Variants in NDUFS1 observed in about 807,000 individuals in gnomAD.
NDUFS1 encodes the protein NADH-ubiquinone oxidoreductase 75 kDa subunit, mitochondrial.
A neutral mutation model predicts 84.4 loss-of-function variants in NDUFS1; 61 were observed. The ratio of observed to expected loss-of-function variants is 0.72; its 90% CI spans 0.59 to 0.89. The LOEUF (loss-of-function observed/expected upper bound fraction) is 0.89, where lower values mean the gene tolerates loss of function less well. Ranked by LOEUF, NDUFS1 falls within the 40% of genes least tolerant of loss-of-function variation. NDUFS1 has a pLI of 0.00. For missense variants in NDUFS1, 891 were observed against 890.0 expected (o/e 1.00, Z -0.01); for synonymous variants, 275 against 290.0 (o/e 0.95, Z 0.53).
At chr2:206,157,036 C>T (rs1325543329) in intron 1 of NDUFS1, among the ~76,000 whole-genome samples, 9 of 152,202 alleles carry the variant, frequency 5.9e-5, no homozygotes, top group African/African-American at 1.9e-4. Flanking sequence ...TGACTCACTG[C>T]AACCTCCGCC....
chr2:206,143,862 CA>C (rs2105969680), intron 10 of NDUFS1, among the ~76,000 whole-genome samples, 155 bp downstream of exon 10: 1 of 152,256 alleles, frequency 6.6e-6, no homozygotes, highest in South Asian at 2.1e-4. Context: ...TAATATCTAG[CA>C]TATGTCCTCA....
chr2:206,140,265 T>A (rs955744399), intron 12 of NDUFS1, among the ~76,000 whole-genome samples: 1 of 151,968 alleles, frequency 6.6e-6, no homozygotes, highest in South Asian at 2.1e-4. Context: ...GGGAGCATCA[T>A]TTGAGCCCAG....
chr2:206,124,182 G>C lies in NDUFS1; in HGVS notation c.*3C>G, dbSNP rs1343258261. The C allele has an allele frequency of 1.3e-6, 2 of 1,594,502 alleles. No individual in the cohort carries two copies. Among genetic ancestry groups the C allele is most frequent in the East Asian group, 2.2e-5 (1 of 44,762 alleles). On this transcript the variant is annotated 3_prime_UTR_variant, in exon 19 of 19. Coordinates refer to ENST00000233190, the MANE Select transcript of NDUFS1 (RefSeq NM_005006.7). ...CGGCAAAACTGGGATCCTAGTAGAA[G>C]CTTCAGCATATGGATGGTTCCTCTA...
At chr2:206,127,738 G>A (rs1432864487) in intron 16 of NDUFS1, 59 bp downstream of exon 16, 5 of 1,558,662 alleles carry the variant, frequency 3.2e-6, no homozygotes, top group Non-Finnish European at 4.4e-6. Context: ...CATTCTAACA[G>A]GCTAAAATAT....
intron 9 of NDUFS1, among the ~76,000 whole-genome samples, chr2:206,144,561 C>A (rs947674451): frequency 2.0e-5 from 3 of 152,200 alleles, no homozygotes; most frequent in African/African-American, 7.2e-5. Flanking sequence ...CCCACCTCGG[C>A]CTTCCAAAGT....
At chr2:206,132,394 G>A (rs558444790) in intron 14 of NDUFS1, among the ~76,000 whole-genome samples, 1 of 152,170 alleles carries the variant, frequency 6.6e-6, no homozygotes, top group Admixed American at 6.6e-5. Flanking sequence ...GATCAACCTG[G>A]GCAACATAGT....
At position 206,135,191 on chromosome 2, in the gene NDUFS1, G is replaced by T. The variant is rs184953218; in HGVS notation, c.1393-2086C>A. On this transcript the variant is annotated intron_variant, in intron 13 of 18. Transcript: ENST00000233190. The stretch of plus-strand genomic sequence containing the variant: ...ACGCCACCATGCCAAGCAAATTGGG[G>T]TTTTTTTGTATTTTTTAGTAGAGAT... 9.3e-3 allele frequency among the ~76,000 whole-genome samples: 1,410 copies of T among 151,762 alleles called. 9 individuals carry two copies. The highest frequency in any genetic ancestry group is 0.024 in the Middle Eastern group (7 of 294).
At position 206,126,766 on chromosome 2, in the gene NDUFS1, G is replaced by T; in HGVS notation, c.1963C>A (p.Arg655=). 2.5e-6 allele frequency: 4 copies of T among 1,614,052 alleles called. No individual in the cohort carries two copies. The South Asian group carries it at 4.4e-5, about 18-fold the overall frequency. The change falls in exon 17 of 19, where the codon CGA becomes AGA. Residue 655 remains arginine, a synonymous_variant. Coordinates refer to ENST00000233190, the MANE Select transcript of NDUFS1 (RefSeq NM_005006.7). ...TTAGCCCCTTCAATATCATCATATCGAACAAGATTAGGAGAGACTTCTTCC... is the reference window on the plus strand; with the variant it reads ...TTAGCCCCTTCAATATCATCATATCTAACAAGATTAGGAGAGACTTCTTCC... ...RLEEVSPNLV[R]YDDIEGANYF... is the part of the protein sequence containing the mutation.
intron 13 of NDUFS1, among the ~76,000 whole-genome samples, chr2:206,136,224 T>G (rs574411441): frequency 1.2e-4 from 18 of 151,582 alleles, no homozygotes; most frequent in South Asian, 4.2e-4. Flanking sequence ...TTTGTATTTT[T>G]TTTTTTTTAA....
intron 8 of NDUFS1, 53 bp downstream of exon 8, chr2:206,146,850 G>T: frequency 2.0e-6 from 3 of 1,506,912 alleles, no homozygotes; most frequent in Admixed American, 1.8e-5. Context: ...ATATTTTTTT[G>T]AATAGTAATG....
In NDUFS1 at chr2:206,150,101, C is replaced by CCT. The variant is rs201233029; in HGVS notation, c.154-177_154-176insAG. Among the ~76,000 whole-genome samples, 4,292 of 151,814 alleles carry CCT rather than the reference C, an allele frequency of 0.028. 209 individuals are homozygous for CCT. The highest frequency in any genetic ancestry group is 0.099 in the African/African-American group (4,076 of 41,310). Reference sequence around the variant, plus strand: ...CCTTTCTTTGCCTTTGATTCTAACCCGTCTCCTCTGAAGCTGCCTCAGAGG... The same window carrying CCT: ...CCTTTCTTTGCCTTTGATTCTAACCCCTGTCTCCTCTGAAGCTGCCTCAGAGG... On this transcript the variant is annotated intron_variant, in intron 3 of 18. Transcript: ENST00000233190.
In NDUFS1 at chr2:206,152,830, G is replaced by A. The variant is rs1002595404; in HGVS notation, c.62-320C>T. Among the ~76,000 whole-genome samples, 4 of 150,920 alleles carry A rather than the reference G, an allele frequency of 2.7e-5. No homozygotes were observed. The East Asian group carries it at 7.8e-4, about 30-fold the overall frequency. On this transcript the variant is annotated intron_variant, in intron 2 of 18. Transcript: ENST00000233190. ...AGCGATTCTCCTGCCTCAGCCTTCCGAGTAGCTGGGATTACAGGAACTCAC... is the reference window on the plus strand; with the variant it reads ...AGCGATTCTCCTGCCTCAGCCTTCCAAGTAGCTGGGATTACAGGAACTCAC...
chr2:206,126,955 T>C (rs1166099041), intron 16 of NDUFS1, 111 bp from the exon 17 acceptor site: 3 of 1,294,252 alleles, frequency 2.3e-6, no homozygotes, highest in South Asian at 1.2e-5. Context: ...GAAAAACCTA[T>C]TGGTGTCCAT....
intron 2 of NDUFS1, among the ~76,000 whole-genome samples, chr2:206,152,951 G>A (rs1048146543): frequency 6.6e-6 from 1 of 151,992 alleles, no homozygotes; most frequent in Non-Finnish European, 1.5e-5. Flanking sequence ...TAATCCTTCT[G>A]CCTCGGCCTC....
At chr2:206,154,540 G>A (rs952328429) in intron 1 of NDUFS1, among the ~76,000 whole-genome samples, 8 of 152,206 alleles carry the variant, frequency 5.3e-5, no homozygotes, top group Non-Finnish European at 1.0e-4. Context: ...CTGAATTACT[G>A]AAATAAATGG....
intron 4 of NDUFS1, 58 bp downstream of exon 4, chr2:206,149,760 C>T (rs779022856): frequency 7.8e-7 from 1 of 1,278,700 alleles, no homozygotes. Flanking sequence ...AAGTTTGCTG[C>T]AAGATTTAAA....
chr2:206,153,184 C>A (rs1415077650), intron 2 of NDUFS1, among the ~76,000 whole-genome samples: 10 of 149,782 alleles, frequency 6.7e-5, no homozygotes, highest in Admixed American at 6.6e-4. Context: ...CAACTTAGAT[C>A]ATTTGTTTCT....
At chr2:206,138,280 C>T (rs535644509) in intron 13 of NDUFS1, among the ~76,000 whole-genome samples, 1 of 152,128 alleles carries the variant, frequency 6.6e-6, no homozygotes, top group East Asian at 1.9e-4. Flanking sequence ...AGGGTTTCAC[C>T]GTGTTGCCCA....
Position 206,126,771 on chromosome 2 carries a change from A to G in NDUFS1, c.1958T>C (p.Leu653Pro). The G allele has an allele frequency of 1.9e-6, 3 of 1,614,180 alleles. No individual in the cohort carries two copies. The highest frequency in any genetic ancestry group is 2.5e-6 in the Non-Finnish European group (3 of 1,180,032). ...CCCTTCAATATCATCATATCGAACA[A>G]GATTAGGAGAGACTTCTTCCAATCT... ...RNRLEEVSPN[L>P]VRYDDIEGAN... The change falls in exon 17 of 19, where the codon CTT becomes CCT. Residue 653 changes from leucine to proline, a missense_variant. Physicochemically the swap from Leu to Pro is moderately conservative, Grantham distance 98. Coordinates refer to ENST00000233190, the MANE Select transcript of NDUFS1 (RefSeq NM_005006.7).
Sources: gnomAD v4.1 joint callset for allele counts (sites outside exome capture counted in the v4.1 genomes callset) on GRCh38, gnomAD v4.1.1 for gene constraint, MANE v1.5 for transcripts, NCBI Gene and HGNC (gene_info 2026-07-23, HGNC 2026-07-21) for gene names.